APP: variants seen among roughly 807,000 people sequenced by gnomAD.
APP encodes the protein amyloid beta precursor protein, also known as amyloid-beta precursor protein.
In APP, 31 loss-of-function variants were observed where a neutral mutation model predicts 101.4. The ratio of observed to expected loss-of-function variants is 0.31; its 90% CI spans 0.23 to 0.41. The LOEUF is 0.41. APP is among the 10% of genes least tolerant of loss of function. The probability of loss-of-function intolerance (pLI) is 1.00; values close to 1 mark genes in which losing one functional copy is unlikely to be tolerated. For missense variants in APP, 839 were observed against 1,003.7 expected, an observed-to-expected ratio of 0.84 and a Z score of 2.22; for synonymous variants, 366 against 364.4, an observed-to-expected ratio of 1.00 and a Z score of -0.05.
chr21:25,961,558 A>C (rs1466676601), intron 11 of APP, among the ~76,000 whole-genome samples: 10 of 152,150 alleles, frequency 6.6e-5, no homozygotes, highest in African/African-American at 2.4e-4. Context: ...TGCCCTCACA[A>C]CTTTTGGCCA....
intron 1 of APP, among the ~76,000 whole-genome samples, chr21:26,160,668 CA>C (rs551397062): frequency 8.0e-5 from 12 of 149,316 alleles, no homozygotes; most frequent in South Asian, 2.1e-4. Flanking sequence ...AAAAAGGAGC[CA>C]AAAAAAAAGA....
intron 1 of APP, among the ~76,000 whole-genome samples, chr21:26,150,396 G>C (rs1035277555): frequency 3.3e-5 from 5 of 152,258 alleles, no homozygotes; most frequent in African/African-American, 9.6e-5. Context: ...TTATAAAAAG[G>C]GGGTAAAGCT....
At chr21:25,965,443 G>A (rs1004207892) in intron 11 of APP, among the ~76,000 whole-genome samples, 8 of 152,178 alleles carry the variant, frequency 5.3e-5, no homozygotes, top group African/African-American at 1.7e-4. Flanking sequence ...TAACTGGTTA[G>A]CCTATTCAAA....
intron 9 of APP, 143 bp downstream of exon 9, chr21:25,982,201 G>A (rs1034437648): frequency 6.4e-6 from 6 of 936,034 alleles, no homozygotes; most frequent in Non-Finnish European, 1.0e-5. Context: ...CACAAACTGT[G>A]CCCACACAGT....
chr21:25,902,506 GCA>G (rs1247052177), intron 15 of APP, among the ~76,000 whole-genome samples: 1 of 146,368 alleles, frequency 6.8e-6, no homozygotes, highest in Non-Finnish European at 1.5e-5. Context: ...TCATATCTGA[GCA>G]TTCTTTCTCA....
intron 13 of APP, among the ~76,000 whole-genome samples, chr21:25,948,470 G>A (rs1009541813): frequency 2.0e-5 from 3 of 152,060 alleles, no homozygotes; most frequent in Admixed American, 6.6e-5. Flanking sequence ...TTGATTCCCC[G>A]CCATATCTTT....
chr21:25,888,833 G>T (rs1213456169), intron 17 of APP, among the ~76,000 whole-genome samples: 2 of 152,236 alleles, frequency 1.3e-5, no homozygotes, highest in Admixed American at 1.3e-4. Flanking sequence ...CCGGTTATCT[G>T]GGAGGTGAGA....
intron 1 of APP, among the ~76,000 whole-genome samples, chr21:26,146,190 G>C (rs2063150977): frequency 6.6e-6 from 1 of 152,172 alleles, no homozygotes; most frequent in African/African-American, 2.4e-5. Flanking sequence ...CAAAAAATGA[G>C]CCAGGCGTGG....
intron 6 of APP, among the ~76,000 whole-genome samples, chr21:26,010,280 C>G (rs1014461757): frequency 1.3e-5 from 2 of 151,654 alleles, no homozygotes; most frequent in Non-Finnish European, 2.9e-5. Context: ...GTCTACATGG[C>G]AAATATGCAT....
chr21:26,034,897 G>C (rs1243393637), intron 5 of APP, among the ~76,000 whole-genome samples: 1 of 151,994 alleles, frequency 6.6e-6, no homozygotes, highest in Non-Finnish European at 1.5e-5. Context: ...GAACGACAAC[G>C]AACCAATAAA....
At chr21:25,994,248 C>CCTAA (rs1389209390) in intron 8 of APP, among the ~76,000 whole-genome samples, 2 of 152,052 alleles carry the variant, frequency 1.3e-5, no homozygotes, top group African/African-American at 2.4e-5. Context: ...TTTGCACTGT[C>CCTAA]CTAAACCCAA....
At chr21:25,904,976 A>G (rs191673387) in intron 15 of APP, 48 bp downstream of exon 15, 2 of 1,549,504 alleles carry the variant, frequency 1.3e-6, no homozygotes, top group Non-Finnish European at 1.8e-6. Context: ...CGTCTGCTCG[A>G]GCTTAGGCCC....
At chr21:25,979,174 T>C (rs1275995386) in intron 9 of APP, among the ~76,000 whole-genome samples, 1 of 152,228 alleles carries the variant, frequency 6.6e-6, no homozygotes, top group Non-Finnish European at 1.5e-5. Context: ...TACTCCACAA[T>C]GGCAACAACA....
chr21:26,058,706 T>TG (rs1196358241), intron 3 of APP, among the ~76,000 whole-genome samples: 5 of 151,970 alleles, frequency 3.3e-5, no homozygotes, highest in Non-Finnish European at 5.9e-5. Context: ...GAGGCTGTGG[T>TG]GGGAGGATCA....
chr21:26,046,751 T>C (rs1200712760), intron 5 of APP, among the ~76,000 whole-genome samples: 1 of 152,142 alleles, frequency 6.6e-6, no homozygotes, highest in Non-Finnish European at 1.5e-5. Flanking sequence ...TCATTTGCTT[T>C]ACGAATTCAG....
intron 13 of APP, 139 bp downstream of exon 13, chr21:25,954,451 T>TCCAG (rs2041223820): frequency 6.4e-6 from 5 of 775,480 alleles, no homozygotes; most frequent in South Asian, 1.5e-5. Context: ...GTAAGCTAGT[T>TCCAG]CCAGCCTGAC....
intron 1 of APP, among the ~76,000 whole-genome samples, chr21:26,166,927 G>GGTGT (rs10600074): frequency 0.12 from 17,772 of 148,516 alleles, 1,215 homozygotes; most frequent in Admixed American, 0.17. Context: ...AGAGACAGAG[G>GGTGT]GTGTGTGTGT....
chr21:25,944,034 G>GCC (rs398121546), intron 13 of APP, among the ~76,000 whole-genome samples: 95 of 150,372 alleles, frequency 6.3e-4, no homozygotes, highest in African/African-American at 1.0e-3. Context: ...AAATTTCAAT[G>GCC]CCCCCCCCCA....
chr21:26,036,947 G>C (rs1426346381), intron 5 of APP, among the ~76,000 whole-genome samples: 1 of 152,014 alleles, frequency 6.6e-6, no homozygotes, highest in Non-Finnish European at 1.5e-5. Flanking sequence ...TGTCCAAAGA[G>C]ACTAATGGAT....
Sources: allele counts gnomAD v4.1 joint callset (sites outside exome capture counted in the v4.1 genomes callset), GRCh38; gene constraint gnomAD v4.1.1; transcripts MANE v1.5; gene names NCBI Gene and HGNC (gene_info 2026-07-23, HGNC 2026-07-21).